The following PSG2 variants were observed in gnomAD, a reference collection of about 807,000 sequenced individuals.
PSG2 encodes pregnancy specific beta-1-glycoprotein 2.
Under a neutral mutation model 36.2 loss-of-function variants are expected in PSG2, and 49 were observed. The observed-to-expected ratio is 1.35, with a 90% confidence interval of 1.08 to 1.72. PSG2 has a LOEUF of 1.72. Ranked by LOEUF, PSG2 falls within the 40% of genes most tolerant of loss-of-function variation. PSG2 has a pLI of 0.00. For missense variants in PSG2, 605 were observed against 407.2 expected, an observed-to-expected ratio of 1.49 and a Z score of -4.18; for synonymous variants, 261 against 155.6, an observed-to-expected ratio of 1.68 and a Z score of -5.04.
At chr19:43,068,560 CAAT>C (rs1383553739) in intron 4 of PSG2, among the ~76,000 whole-genome samples, 1 of 150,766 alleles carries the variant, frequency 6.6e-6, no homozygotes, top group East Asian at 1.9e-4. Context: ...AATTGTATGC[CAAT>C]AAATTGGATA....
At position 43,074,969 on chromosome 19, in the gene PSG2, T is replaced by A. The variant is rs1324673194; in HGVS notation, c.709+385A>T. Among the ~76,000 whole-genome samples the A allele has an allele frequency of 1.3e-5, 2 of 151,490 alleles. 1 individual carries two copies. The highest frequency in any genetic ancestry group is 6.3e-3 in the Middle Eastern group (2 of 316). On this transcript the variant is annotated intron_variant, in intron 3 of 5. Coordinates refer to ENST00000406487, the MANE Select transcript of PSG2 (RefSeq NM_031246.4). The stretch of plus-strand genomic sequence containing the variant: ...TCCAGGCCATCTGGAGCAAAGAGCA[T>A]AAAGTCACAGGCACTATTGTCAGAG...
intron 4 of PSG2, among the ~76,000 whole-genome samples, chr19:43,066,810 A>T (rs942455943): frequency 6.6e-6 from 1 of 151,426 alleles, no homozygotes; most frequent in African/African-American, 2.4e-5. Flanking sequence ...GTCCTCTGTC[A>T]ATTCTCTACT....
chr19:43,069,455 G>A (rs973206361), intron 4 of PSG2, among the ~76,000 whole-genome samples: 5 of 151,724 alleles, frequency 3.3e-5, no homozygotes, highest in African/African-American at 1.2e-4. Context: ...TCTGATTTCA[G>A]CATTTACTAC....
intron 2 of PSG2, among the ~76,000 whole-genome samples, chr19:43,077,855 G>C (rs10410472): frequency 6.6e-6 from 1 of 151,422 alleles, no homozygotes; most frequent in Non-Finnish European, 1.5e-5. Context: ...CTATTGACAC[G>C]TCCTCAAGCT....
chr19:43,081,134 G>A lies in PSG2; in HGVS notation c.177C>T (p.Pro59=), dbSNP rs944239637. The change falls in exon 2 of 6, where the codon CCC becomes CCT. Residue 59 remains proline, a synonymous_variant. Transcript: ENST00000406487. ...KDVLLLVHNL[P]QNLTGYIWYK... is the part of the protein sequence containing the mutation. ...ACCAGATGTAGCCAGTAAGATTCTGGGGCAAATTGTGGACAAGTAGAAGAA... is the reference window on the plus strand; with the variant it reads ...ACCAGATGTAGCCAGTAAGATTCTGAGGCAAATTGTGGACAAGTAGAAGAA... 10 of 1,612,658 alleles carry A rather than the reference G, an allele frequency of 6.2e-6. No homozygotes were observed. The highest frequency in any genetic ancestry group is 3.3e-4 in the Middle Eastern group (2 of 6,080).
intron 4 of PSG2, among the ~76,000 whole-genome samples, chr19:43,069,716 G>T (rs1030277554): frequency 2.6e-5 from 4 of 151,552 alleles, no homozygotes; most frequent in East Asian, 1.9e-4. Flanking sequence ...ATAGATCAAA[G>T]ATCTAAATGT....
chr19:43,070,790 C>T (rs1380718913), intron 4 of PSG2, among the ~76,000 whole-genome samples: 1 of 151,588 alleles, frequency 6.6e-6, no homozygotes, highest in African/African-American at 2.4e-5. Flanking sequence ...TTACACAACA[C>T]TAAATTGCAC....
At chr19:43,072,390 C>G (rs903145980) in intron 3 of PSG2, 25 of 1,612,566 alleles carry the variant, frequency 1.6e-5, no homozygotes, top group Non-Finnish European at 2.1e-5. Context: ...TGGATGCCAC[C>G]ATATCGGTCC....
At chr19:43,077,790 T>A (rs1322188118) in intron 2 of PSG2, among the ~76,000 whole-genome samples, 1 of 151,846 alleles carries the variant, frequency 6.6e-6, no homozygotes, top group Non-Finnish European at 1.5e-5. Context: ...AATCAGTTGT[T>A]CCACTTTTTC....
intron 2 of PSG2, among the ~76,000 whole-genome samples, chr19:43,076,021 C>G (rs1568514803): frequency 6.6e-6 from 1 of 151,554 alleles, no homozygotes; most frequent in Non-Finnish European, 1.5e-5. Flanking sequence ...ACTTTGCCCC[C>G]TGAGGTATGT....
chr19:43,072,291 C>T (rs1248489147), intron 3 of PSG2: 1 of 1,598,970 alleles, frequency 6.3e-7, no homozygotes, highest in African/African-American at 1.4e-5. Context: ...ACTGAGAGGC[C>T]TGGCCCCTGG....
Position 43,073,840 on chromosome 19 carries a change from T to C in PSG2, c.709+1514A>G, listed in dbSNP as rs1967853468. On this transcript the variant is annotated intron_variant, in intron 3 of 5. Transcript: ENST00000406487. ...AAGTGTTTCGGATTTCTGACATTTTTTGATTCTGAAATATTTGTCATATAC... is the reference window on the plus strand; with the variant it reads ...AAGTGTTTCGGATTTCTGACATTTTCTGATTCTGAAATATTTGTCATATAC... Among the ~76,000 whole-genome samples the C allele has an allele frequency of 1.3e-5, 2 of 151,784 alleles. 1 individual carries two copies. The highest frequency in any genetic ancestry group is 1.3e-4 in the Admixed American group (2 of 15,244).
rs550024427 is a variant in PSG2 at position 43,071,554 on chromosome 19, A to G, written c.964+146T>C. 4.4e-6 allele frequency: 7 copies of G among 1,593,482 alleles called. No individual in the cohort carries two copies. In the South Asian group the frequency reaches 4.4e-5, roughly 10 times the overall value. On this transcript the variant is annotated intron_variant, in intron 4 of 5. Coordinates refer to ENST00000406487, the MANE Select transcript of PSG2 (RefSeq NM_031246.4). ...AGGAGAAGAGAGTTTGTAGAGACAA[A>G]TTGGGAGGGTTCAGGAGGAGAATTT...
At chr19:43,075,315 G>A (rs1228145677) in intron 3 of PSG2, 39 bp downstream of exon 3, 1 of 1,613,168 alleles carries the variant, frequency 6.2e-7, no homozygotes, top group Non-Finnish European at 8.5e-7. Flanking sequence ...GTGTATTTGG[G>A]ATGGCAGTCT....
Position 43,080,645 on chromosome 19 carries a change from C to G in PSG2, c.430+236G>C, listed in dbSNP as rs569714876. ...ACTGATCTCCTCCTGCTGAGTCCCCCCATCAGACTGTCCTTCCTCTGCAGC... is the reference window on the plus strand; with the variant it reads ...ACTGATCTCCTCCTGCTGAGTCCCCGCATCAGACTGTCCTTCCTCTGCAGC... On this transcript the variant is annotated intron_variant, in intron 2 of 5. Coordinates refer to ENST00000406487, the MANE Select transcript of PSG2 (RefSeq NM_031246.4). 4.6e-5 allele frequency among the ~76,000 whole-genome samples: 7 copies of G among 151,694 alleles called. No homozygotes were observed. The East Asian group carries it at 9.7e-4, about 21-fold the overall frequency.
chr19:43,071,290 G>T (rs1967812252), intron 4 of PSG2, among the ~76,000 whole-genome samples: 1 of 151,542 alleles, frequency 6.6e-6, no homozygotes, highest in Non-Finnish European at 1.5e-5. Flanking sequence ...TGGGGGAAAA[G>T]TGTGAGCTTG....
In PSG2 at chr19:43,081,087, A is replaced by T. The variant is rs142667584; in HGVS notation, c.224T>A (p.Leu75His). The change falls in exon 2 of 6, where the codon CTC becomes CAC. Residue 75 changes from leucine (L) to histidine (H), a missense_variant. Transcript: ENST00000406487. ...TACATATGATGTAATGTAATGGTAGAGGTCCCTGATTTGCCCTTTGTACCA... is the reference window on the plus strand; with the variant it reads ...TACATATGATGTAATGTAATGGTAGTGGTCCCTGATTTGCCCTTTGTACCA... ...YIWYKGQIRD[L>H]YHYITSYVVD... is the part of the protein sequence containing the mutation. 3.7e-6 allele frequency: 6 copies of T among 1,612,938 alleles called. No homozygotes were observed. The highest frequency in any genetic ancestry group is 5.1e-6 in the Non-Finnish European group (6 of 1,179,700).
At chr19:43,067,024 T>A (rs1047751645) in intron 4 of PSG2, among the ~76,000 whole-genome samples, 4 of 151,446 alleles carry the variant, frequency 2.6e-5, no homozygotes, top group African/African-American at 9.8e-5. Flanking sequence ...CATTTCAAAT[T>A]CACCACCTCT....
rs184415411 is a variant in PSG2 at position 43,064,378 on chromosome 19, A to C, written c.*264T>G. On this transcript the variant is annotated 3_prime_UTR_variant, in exon 6 of 6. Coordinates refer to ENST00000406487, the MANE Select transcript of PSG2 (RefSeq NM_031246.4). Reference sequence around the variant, plus strand: ...AATGTTCATAAATCTGGAGAATGAAACATTCCAAGAATCAGCACATTTTCA... The same window carrying C: ...AATGTTCATAAATCTGGAGAATGAACCATTCCAAGAATCAGCACATTTTCA... 1,135 of 312,988 alleles carry C rather than the reference A, an allele frequency of 3.6e-3. 5 individuals carry two copies. Among genetic ancestry groups the C allele is most frequent in the Non-Finnish European group, 5.0e-3 (806 of 159,772 alleles). The allele number at this position is 312,988 out of a possible 1,614,324, so 19.4% of individuals were successfully genotyped here.
Sources: allele counts gnomAD v4.1 joint callset (sites outside exome capture counted in the v4.1 genomes callset), GRCh38; gene constraint gnomAD v4.1.1; transcripts MANE v1.5; gene names NCBI Gene and HGNC (gene_info 2026-07-23, HGNC 2026-07-21).